ADNP2: variants seen among roughly 807,000 people sequenced by gnomAD.
ADNP2 encodes ADNP homeobox 2.
ADNP2 carries 8 observed loss-of-function variants against 16.4 expected under a neutral mutation model. The ratio of observed to expected loss-of-function variants is 0.49; its 90% CI spans 0.29 to 0.88. The LOEUF is 0.88. Ranked by LOEUF, ADNP2 falls within the 40% of genes least tolerant of loss-of-function variation. The probability of loss-of-function intolerance (pLI) is 0.09; values close to 1 mark genes in which losing one functional copy is unlikely to be tolerated. For synonymous variants in ADNP2, 637 were observed against 545.8 expected, an observed-to-expected ratio of 1.17 and a Z score of -2.33; for missense variants, 1,397 against 1,395.1, an observed-to-expected ratio of 1.00 and a Z score of -0.02.
chr18:80,114,192 CAAAAAAAAAA>C (rs138431229), intron 1 of ADNP2, among the ~76,000 whole-genome samples: 1 of 110,298 alleles, frequency 9.1e-6, no homozygotes, highest in South Asian at 2.9e-4. Context: ...GACCCTGTCT[CAAAAAAAAAA>C]AAAGAAAAAA....
chr18:80,119,298 G>A (rs971588526), intron 2 of ADNP2, among the ~76,000 whole-genome samples: 2 of 151,860 alleles, frequency 1.3e-5, no homozygotes, highest in Non-Finnish European at 2.9e-5. Context: ...TTTATTGGAA[G>A]CCTCTTGGGG....
Position 80,117,565 on chromosome 18 carries a change from A to C in ADNP2, c.23A>C (p.Asn8Thr), listed in dbSNP as rs1287581908. 1.3e-6 allele frequency: 2 copies of C among 1,594,302 alleles called. No individual in the cohort carries two copies. Among genetic ancestry groups the C allele is most frequent in the East Asian group, 4.5e-5 (2 of 44,384 alleles). The change falls in exon 2 of 4, where the codon AAT becomes ACT. Residue 8 changes from asparagine to threonine, a missense_variant. Asn to Thr is a moderately conservative substitution (Grantham distance 65). This residue lies in a region of ADNP2 where 777 missense variants were observed against 719.4 expected (regional missense o/e 1.08). Transcript: ENST00000262198. MFQIPVE[N>T]LDNIRKVRKK... ...AAAATGTTTCAAATTCCTGTGGAAAATCTTGACAACATCAGAAAGGTGCGA... is the reference window on the plus strand; with the variant it reads ...AAAATGTTTCAAATTCCTGTGGAAACTCTTGACAACATCAGAAAGGTGCGA...
In ADNP2 at chr18:80,117,584, G is replaced by C; in HGVS notation, c.42G>C (p.Lys14Asn). ...IPVENLDNIR[K>N]VRKKVKGILV... is the part of the protein sequence containing the mutation. ...TGGAAAATCTTGACAACATCAGAAA[G>C]GTGCGAAAAAAGGTGAAAGGTATTC... Residue 14 changes from lysine (K) to asparagine (N), a missense_variant, in exon 2 of 4, where the codon AAG becomes AAC. This residue lies in a region of ADNP2 where 777 missense variants were observed against 719.4 expected (regional missense o/e 1.08). Coordinates refer to ENST00000262198, the MANE Select transcript of ADNP2 (RefSeq NM_014913.4). 2 of 1,603,120 alleles carry C rather than the reference G, an allele frequency of 1.2e-6. No individual in the cohort carries two copies. Among genetic ancestry groups the C allele is most frequent in the Non-Finnish European group, 1.7e-6 (2 of 1,177,102 alleles).
chr18:80,138,816 CAAAA>C lies in ADNP2; in HGVS notation c.*18_*21del, dbSNP rs11411000. The C allele has an allele frequency of 8.1e-5, 100 of 1,227,824 alleles. No individual in the cohort carries two copies. Among genetic ancestry groups the C allele is most frequent in the Non-Finnish European group, 9.8e-5 (91 of 926,816 alleles). 76.1% of individuals were successfully genotyped at this position (1,227,824 alleles called of 1,614,324 possible). A position where few individuals can be genotyped will look rare whatever the true frequency, so the allele number is the denominator to read the frequency against. On this transcript the variant is annotated 3_prime_UTR_variant, in exon 4 of 4. Coordinates refer to ENST00000262198, the MANE Select transcript of ADNP2 (RefSeq NM_014913.4). ...CTTTGAATATGAACCATAAAACTTG[CAAAA>C]AAAAAAAAAAGTAACTCTAAAGTAG...
At position 80,127,586 on chromosome 18, in the gene ADNP2, C is replaced by T. The variant is rs1457808898; in HGVS notation, c.109-5517C>T. On this transcript the variant is annotated intron_variant, in intron 2 of 3. Transcript: ENST00000262198. The stretch of plus-strand genomic sequence containing the variant: ...GGTTTGGGGTCATATTTTTCTGCTG[C>T]TTTGTATGACTGGAAGTTTTTGTTT... Among the ~76,000 whole-genome samples the T allele has an allele frequency of 2.6e-5, 4 of 152,094 alleles. No homozygotes were observed. The South Asian group carries it at 6.2e-4, about 24-fold the overall frequency.
chr18:80,116,307 G>C lies in ADNP2; in HGVS notation c.-13-1223G>C, dbSNP rs1423110902. Among the ~76,000 whole-genome samples the C allele has an allele frequency of 2.0e-5, 3 of 152,276 alleles. No individual in the cohort carries two copies. The East Asian group carries it at 5.8e-4, about 29-fold the overall frequency. ...GCCCCAATGCAGGGGCATTTGGTTT[G>C]TTTACACATTTTGGTGACTGAATAG... On this transcript the variant is annotated intron_variant, in intron 1 of 3. Coordinates refer to ENST00000262198, the MANE Select transcript of ADNP2 (RefSeq NM_014913.4).
At chr18:80,128,008 G>C (rs1184800689) in intron 2 of ADNP2, among the ~76,000 whole-genome samples, 1 of 152,238 alleles carries the variant, frequency 6.6e-6, no homozygotes, top group Admixed American at 6.5e-5. Flanking sequence ...AATATGGCAG[G>C]ATGCCCCTTT....
At position 80,138,167 on chromosome 18, in the gene ADNP2, C is replaced by T; in HGVS notation, c.2754C>T (p.Cys918=). ...LKSPAFKCIH[C]CGVYTGNMTL... ...CTCCCGCCTTCAAGTGCATCCACTG[C>T]TGTGGGGTCTACACGGGAAATATGA... The change falls in exon 4 of 4, where the codon TGC becomes TGT. Residue 918 remains cysteine, a synonymous_variant. Transcript: ENST00000262198. 1.9e-6 allele frequency: 3 copies of T among 1,614,182 alleles called. No individual in the cohort carries two copies. Among genetic ancestry groups the T allele is most frequent in the Non-Finnish European group, 2.5e-6 (3 of 1,180,048 alleles).
chr18:80,126,392 A>G (rs1252925242), intron 2 of ADNP2, among the ~76,000 whole-genome samples: 2 of 152,128 alleles, frequency 1.3e-5, no homozygotes. Flanking sequence ...CTTTGCGTAG[A>G]TGTGTATTTC....
In ADNP2 at chr18:80,137,895, A is replaced by G. The variant is rs2052552967; in HGVS notation, c.2482A>G (p.Ile828Val). The G allele has an allele frequency of 6.2e-7, 1 of 1,614,018 alleles. No homozygotes were observed. The highest frequency in any genetic ancestry group is 8.5e-7 in the Non-Finnish European group (1 of 1,180,034). The change falls in exon 4 of 4, where the codon ATA (isoleucine) becomes GTA (valine). Residue 828 changes from isoleucine to valine, a missense_variant. By Grantham distance (29) the Ile-to-Val change is conservative. Coordinates refer to ENST00000262198, the MANE Select transcript of ADNP2 (RefSeq NM_014913.4). The surrounding 1 kb of genome is among the most constrained non-coding windows in gnomAD (Gnocchi z 4.2). ...LLFPHLDFITILPKEKLGERE... is the reference protein window; with the variant it reads ...LLFPHLDFITVLPKEKLGERE... ...CTTTCCCCACCTTGATTTCATCACC[A>G]TATTGCCAAAGGAGAAGCTTGGGGA...
At chr18:80,129,461 C>T (rs1465997084) in intron 2 of ADNP2, among the ~76,000 whole-genome samples, 1 of 152,134 alleles carries the variant, frequency 6.6e-6, no homozygotes, top group Non-Finnish European at 1.5e-5. Flanking sequence ...GACCCTGTTA[C>T]ATCTAGTGGT....
rs781357904 is a variant in ADNP2, at chr18:80,138,050, T to A, written c.2637T>A (p.Phe879Leu). The A allele has an allele frequency of 6.2e-7, 1 of 1,613,706 alleles. No homozygotes were observed. Among genetic ancestry groups the A allele is most frequent in the Non-Finnish European group, 8.5e-7 (1 of 1,180,036 alleles). ...STGKRVSTCPFCFGPFVTTEA... is the reference protein window; with the variant it reads ...STGKRVSTCPLCFGPFVTTEA... ...GCAAGCGAGTGTCCACCTGCCCCTT[T>A]TGCTTTGGCCCCTTTGTGACAACTG... The change falls in exon 4 of 4, where the codon TTT becomes TTA. Residue 879 changes from phenylalanine to leucine, a missense_variant. Physicochemically the swap from Phe to Leu is conservative, Grantham distance 22. Around this residue, in one of 3 missense-constraint regions of ADNP2, gnomAD observed 611 missense variants for 648.7 expected, o/e 0.94. Transcript: ENST00000262198.
chr18:80,110,172 T>C (rs533895455), intron 1 of ADNP2, among the ~76,000 whole-genome samples: 2 of 152,364 alleles, frequency 1.3e-5, no homozygotes, highest in Admixed American at 6.5e-5. Flanking sequence ...ACTTTAACAT[T>C]ACTTTTCATC....
intron 2 of ADNP2, among the ~76,000 whole-genome samples, chr18:80,120,726 C>G (rs1017411885): frequency 6.6e-6 from 1 of 152,106 alleles, no homozygotes; most frequent in Non-Finnish European, 1.5e-5. Context: ...CGATCTCTGA[C>G]TCACTGCAAC....
chr18:80,137,363 A>G lies in ADNP2; in HGVS notation c.1950A>G (p.Ala650=), dbSNP rs111990224. Residue 650 remains alanine (A), a synonymous_variant, in exon 4 of 4, where the codon GCA becomes GCG. Coordinates refer to ENST00000262198, the MANE Select transcript of ADNP2 (RefSeq NM_014913.4). The surrounding 1 kb of genome is among the most constrained non-coding windows in gnomAD (Gnocchi z 4.2). ...AGCTCCTGCCGTCAGGTGCAGCTGC[A>G]CCAATGGCCGGTTCCATGCCCGGCA... The part of the protein sequence containing the change: ...PIQLLPSGAA[A]PMAGSMPGMP... 1 of 1,614,130 alleles carries G rather than the reference A, an allele frequency of 6.2e-7. No individual in the cohort carries two copies. Among genetic ancestry groups the G allele is most frequent in the Non-Finnish European group, 8.5e-7 (1 of 1,180,036 alleles).
chr18:80,122,086 AT>A (rs1324871549), intron 2 of ADNP2, among the ~76,000 whole-genome samples: 1 of 151,904 alleles, frequency 6.6e-6, no homozygotes, highest in Non-Finnish European at 1.5e-5. Context: ...TGTCTGGCTA[AT>A]TTTTGTATTT....
In ADNP2 at chr18:80,136,415, C is replaced by T. The variant is rs2052535147; in HGVS notation, c.1002C>T (p.Val334=). ...PAAGQSHMTL[V]SSPLPVGQNS... is the part of the protein sequence containing the mutation. ...CTGGCCAATCCCACATGACTCTGGT[C>T]TCCAGCCCTCTGCCTGTGGGCCAGA... is the stretch of plus-strand genomic sequence containing the variant. Residue 334 remains valine, a synonymous_variant, in exon 4 of 4, where the codon GTC becomes GTT. Coordinates refer to ENST00000262198, the MANE Select transcript of ADNP2 (RefSeq NM_014913.4). 6.2e-7 allele frequency: 1 copy of T among 1,614,184 alleles called. No homozygotes were observed.
intron 2 of ADNP2, among the ~76,000 whole-genome samples, chr18:80,128,998 CT>C (rs1215845916): frequency 6.6e-6 from 1 of 151,068 alleles, no homozygotes; most frequent in Non-Finnish European, 1.5e-5. Context: ...TTACCACTTG[CT>C]TTTTTCACTT....
chr18:80,123,844 C>T (rs1568410704), intron 2 of ADNP2, among the ~76,000 whole-genome samples: 1 of 152,116 alleles, frequency 6.6e-6, no homozygotes, highest in Non-Finnish European at 1.5e-5. Flanking sequence ...ATTCTCCTGC[C>T]TCAGCCTCCC....
Sources: gnomAD v4.1 joint callset for allele counts (sites outside exome capture counted in the v4.1 genomes callset) on GRCh38, gnomAD v4.1.1 for gene constraint, gnomAD v4.1.1 regional missense constraint, Gnocchi (gnomAD v3.1) non-coding constraint, MANE v1.5 for transcripts, NCBI Gene and HGNC (gene_info 2026-07-23, HGNC 2026-07-21) for gene names.